DGLUCY: variants seen among roughly 807,000 people sequenced by gnomAD.
DGLUCY encodes D-glutamate cyclase, mitochondrial.
A neutral mutation model predicts 58.5 loss-of-function variants in DGLUCY; 58 were observed. The observed-to-expected ratio is 0.99, with a 90% CI of 0.80 to 1.23. DGLUCY has a LOEUF of 1.23. DGLUCY is among the 50% of genes most tolerant of loss of function. The probability of loss-of-function intolerance (pLI) is 0.00; values close to 1 mark genes in which losing one functional copy is unlikely to be tolerated. For synonymous variants in DGLUCY, 325 were observed against 314.1 expected, an observed-to-expected ratio of 1.03 and a Z score of -0.37; for missense variants, 779 against 784.7, an observed-to-expected ratio of 0.99 and a Z score of 0.09.
chr14:91,206,110 G>A (rs908300257), intron 12 of DGLUCY, among the ~76,000 whole-genome samples: 7 of 151,964 alleles, frequency 4.6e-5, no homozygotes, highest in African/African-American at 1.4e-4. Context: ...AAAGTGCTGG[G>A]ATTACAGGCC....
intron 1 of DGLUCY, among the ~76,000 whole-genome samples, chr14:91,077,113 G>A (rs1388325873): frequency 6.6e-6 from 1 of 152,038 alleles, no homozygotes; most frequent in African/African-American, 2.4e-5. Flanking sequence ...GTGTGGTGGT[G>A]TGTGTGCCTG....
chr14:91,224,618 G>A (rs1332890652), intron 13 of DGLUCY, 66 bp from the exon 14 acceptor site: 8 of 1,454,790 alleles, frequency 5.5e-6, no homozygotes, highest in Middle Eastern at 3.6e-4. Context: ...ACTTATAAAT[G>A]TGTATAAAAG....
intron 5 of DGLUCY, 24 bp downstream of exon 5, chr14:91,170,225 CA>C (rs1367999350): frequency 6.2e-7 from 1 of 1,606,284 alleles, no homozygotes; most frequent in Non-Finnish European, 8.5e-7. Context: ...CCACAGCCCA[CA>C]AGGGCAGAAT....
intron 1 of DGLUCY, among the ~76,000 whole-genome samples, chr14:91,122,620 T>TTTTTA (rs2045447270): frequency 1.4e-5 from 2 of 147,028 alleles, no homozygotes; most frequent in Non-Finnish European, 1.5e-5. Flanking sequence ...TTTTTTTTTT[T>TTTTTA]GAGATAGAGT....
chr14:91,157,364 A>G (rs1195521746), intron 1 of DGLUCY, among the ~76,000 whole-genome samples: 1 of 152,208 alleles, frequency 6.6e-6, no homozygotes, highest in Non-Finnish European at 1.5e-5. Flanking sequence ...TAGAAAGGTA[A>G]ATAGTGATCA....
chr14:91,156,819 C>T (rs1168553234), intron 1 of DGLUCY, among the ~76,000 whole-genome samples: 3 of 152,316 alleles, frequency 2.0e-5, no homozygotes, highest in Admixed American at 2.0e-4. Context: ...GATACCTGGG[C>T]CATGCAGCAG....
At chr14:91,089,204 G>A (rs919490053) in intron 1 of DGLUCY, among the ~76,000 whole-genome samples, 2 of 152,146 alleles carry the variant, frequency 1.3e-5, no homozygotes, top group African/African-American at 4.8e-5. Context: ...TATTTTTGGT[G>A]GATTGCATCT....
upstream of DGLUCY, among the ~76,000 whole-genome samples, chr14:91,106,269 T>C (rs984404221): frequency 6.6e-6 from 1 of 151,302 alleles, no homozygotes; most frequent in Admixed American, 6.6e-5. Context: ...GATCTGCCAT[T>C]GCACTGCAGC....
chr14:91,132,124 A>G (rs1032775174), intron 1 of DGLUCY, among the ~76,000 whole-genome samples: 1 of 152,122 alleles, frequency 6.6e-6, no homozygotes, highest in African/African-American at 2.4e-5. Flanking sequence ...CTTGTCTGCA[A>G]TTACTCTGTG....
At chr14:91,073,947 C>T (rs2043964824) in intron 1 of DGLUCY, among the ~76,000 whole-genome samples, 1 of 151,472 alleles carries the variant, frequency 6.6e-6, no homozygotes, top group South Asian at 2.1e-4. Context: ...ATAGCAAACC[C>T]CCATCTCTAC....
intron 1 of DGLUCY, among the ~76,000 whole-genome samples, chr14:91,064,460 T>C (rs563706449): frequency 6.6e-6 from 1 of 151,604 alleles, no homozygotes; most frequent in African/African-American, 2.4e-5. Context: ...CTATCTCTAC[T>C]AAAAATACAA....
At chr14:91,130,321 A>T (rs12881135) in intron 1 of DGLUCY, among the ~76,000 whole-genome samples, 81,692 of 144,164 alleles carry the variant, frequency 0.57, 24,044 homozygotes, top group East Asian at 0.92. Context: ...TTTTTTTTTT[A>T]GACAGAGTCT....
intron 11 of DGLUCY, among the ~76,000 whole-genome samples, chr14:91,201,523 T>G (rs2050560636): frequency 6.6e-6 from 1 of 152,212 alleles, no homozygotes; most frequent in Middle Eastern, 3.4e-3. Flanking sequence ...GGTCTCGATT[T>G]CTTGACCTCG....
intron 9 of DGLUCY, among the ~76,000 whole-genome samples, chr14:91,194,697 C>T (rs1056231586): frequency 5.9e-5 from 9 of 152,038 alleles, no homozygotes; most frequent in African/African-American, 1.7e-4. Flanking sequence ...CCCGCCACCA[C>T]GCCCAGCTAA....
chr14:91,074,477 A>T (rs1595610726), intron 1 of DGLUCY, among the ~76,000 whole-genome samples: 1 of 151,554 alleles, frequency 6.6e-6, no homozygotes, highest in African/African-American at 2.4e-5. Context: ...TGAGAACCTG[A>T]CTCAAAAAAA....
chr14:91,199,904 TG>T lies in DGLUCY; in HGVS notation c.1444+1del. 6.2e-7 allele frequency: 1 copy of T among 1,614,106 alleles called. No individual in the cohort carries two copies. Among genetic ancestry groups the T allele is most frequent in the Non-Finnish European group, 8.5e-7 (1 of 1,180,006 alleles). ...AGAAGATTCCTGGAATCTCATCAAC[TG>T]GTAAGTATGGAGTACTGGGGATGCA... is the stretch of plus-strand genomic sequence containing the variant. ...AKKIPGISST[G>X]VGDGGNELGM... On this transcript the variant is annotated frameshift_variant and splice_region_variant, in exon 11 of 14. Transcript: ENST00000256324. LOFTEE classifies it high-confidence loss of function.
intron 1 of DGLUCY, among the ~76,000 whole-genome samples, chr14:91,095,106 C>T (rs1257073247): frequency 1.3e-5 from 2 of 152,158 alleles, no homozygotes; most frequent in African/African-American, 4.8e-5. Flanking sequence ...CCCCTGCCCC[C>T]CCAGTTCATT....
intron 3 of DGLUCY, among the ~76,000 whole-genome samples, chr14:91,163,120 T>C (rs1436774590): frequency 6.6e-6 from 1 of 151,400 alleles, no homozygotes; most frequent in Non-Finnish European, 1.5e-5. Context: ...ATTAGCCAGG[T>C]GTGGGGGCAT....
At chr14:91,129,041 C>T (rs1430059635) in intron 1 of DGLUCY, 1 of 152,140 alleles carries the variant, frequency 6.6e-6, no homozygotes, top group Non-Finnish European at 1.5e-5. Context: ...TTTGCATTCT[C>T]CAGTGGGTCA....
Sources: allele counts gnomAD v4.1 joint callset (sites outside exome capture counted in the v4.1 genomes callset), GRCh38; gene constraint gnomAD v4.1.1; transcripts MANE v1.5; gene names NCBI Gene and HGNC (gene_info 2026-07-23, HGNC 2026-07-21).